The following SGSH variants were observed in gnomAD, a reference collection of about 807,000 sequenced individuals.
SGSH encodes the protein heparan sulfate sulfatase.
SGSH carries 48 observed loss-of-function variants against 51.0 expected under a neutral mutation model. That is an observed-to-expected ratio of 0.94 (90% CI 0.75 to 1.20). SGSH has a LOEUF of 1.20. Ranked by LOEUF, SGSH falls within the 50% of genes most tolerant of loss-of-function variation. The pLI, the probability that SGSH is intolerant of heterozygous loss-of-function variation, is 0.00. For synonymous variants in SGSH, 321 were observed against 313.4 expected, an observed-to-expected ratio of 1.02 and a Z score of -0.26; for missense variants, 662 against 717.8, an observed-to-expected ratio of 0.92 and a Z score of 0.89.
At chr17:80,220,201 G>C (rs2042096680) in intron 1 of SGSH, 25 bp downstream of exon 1, 1 of 1,495,690 alleles carries the variant, frequency 6.7e-7, no homozygotes, top group African/African-American at 1.4e-5. Flanking sequence ...GCAGGTGGGC[G>C]TGGGGGGGCG....
At chr17:80,211,662 C>A (rs1025164729) in intron 7 of SGSH, 1 of 335,820 alleles carries the variant, frequency 3.0e-6, no homozygotes, top group African/African-American at 2.1e-5. Flanking sequence ...GGTCCCCAGG[C>A]CCACAGTATC....
chr17:80,203,859 A>G (rs528408567), downstream of SGSH: 27 of 1,595,582 alleles, frequency 1.7e-5, no homozygotes, highest in Non-Finnish European at 2.3e-5. The surrounding 1 kb of genome is among the most constrained non-coding windows in gnomAD (Gnocchi z 4.6). Flanking sequence ...CCAGGACATG[A>G]CTCAGCAGTG....
At chr17:80,208,329 A>G, downstream of SGSH, 1 of 1,599,892 alleles carries the variant, frequency 6.3e-7, no homozygotes, top group Non-Finnish European at 8.5e-7. Flanking sequence ...GTGTGGACGG[A>G]GCAGAGCCCC....
intron 2 of SGSH, among the ~76,000 whole-genome samples, chr17:80,215,670 T>C (rs987878275): frequency 1.1e-4 from 16 of 151,784 alleles, no homozygotes; most frequent in African/African-American, 3.9e-4. Context: ...AATACAAAAA[T>C]TAGCTGGGCG....
At chr17:80,215,554 C>T in intron 2 of SGSH, among the ~76,000 whole-genome samples, 1 of 152,272 alleles carries the variant, frequency 6.6e-6, no homozygotes, top group East Asian at 1.9e-4. Context: ...GGCGTGGTGG[C>T]TCACGCCTGT....
chr17:80,219,037 G>C (rs2042010791), intron 1 of SGSH, among the ~76,000 whole-genome samples: 1 of 151,924 alleles, frequency 6.6e-6, no homozygotes. Flanking sequence ...ATGTGCACTT[G>C]AGGTCCCAGC....
In SGSH at chr17:80,212,459, G is replaced by C; in HGVS notation, c.746-185C>G. On this transcript the variant is annotated intron_variant, in intron 6 of 7. Transcript: ENST00000326317. The surrounding 1 kb of genome is among the most constrained non-coding windows in gnomAD (Gnocchi z 5.9). ...CCCAGCTCTTGCCCAGCTCCGCCCA[G>C]CTCCCATTCCCTGAGCAGGCCTCGA... is the stretch of plus-strand genomic sequence containing the variant. 1.5e-6 allele frequency: 1 copy of C among 655,970 alleles called. No homozygotes were observed. Among genetic ancestry groups the C allele is most frequent in the South Asian group, 1.7e-5 (1 of 59,036 alleles). The allele number at this position is 655,970 out of a possible 1,614,324, so 40.6% of individuals were successfully genotyped here.
chr17:80,202,269 A>T (rs2041023954), downstream of SGSH: 4 of 1,613,992 alleles, frequency 2.5e-6, no homozygotes, highest in East Asian at 8.9e-5. Flanking sequence ...CATGGAGGGC[A>T]GGGCCAAAGG....
downstream of SGSH, chr17:80,202,019 C>T: frequency 8.0e-7 from 1 of 1,247,546 alleles, no homozygotes; most frequent in Non-Finnish European, 1.1e-6. Flanking sequence ...CCCCAGGAGG[C>T]CCCCAAGCCA....
downstream of SGSH, chr17:80,203,886 G>C (rs1217927954): frequency 6.3e-7 from 1 of 1,594,528 alleles, no homozygotes; most frequent in Admixed American, 1.8e-5. The surrounding 1 kb of genome is among the most constrained non-coding windows in gnomAD (Gnocchi z 4.6). Flanking sequence ...GACCCGCAAG[G>C]TGAGGCTCCA....
Position 80,209,918 on chromosome 17 carries a change from CT to C in SGSH, c.*533del, listed in dbSNP as rs2041563048. 1 of 998,168 alleles carries C rather than the reference CT, an allele frequency of 1.0e-6. No homozygotes were observed. The highest frequency in any genetic ancestry group is 1.2e-6 in the Non-Finnish European group (1 of 836,284). 61.8% of individuals were successfully genotyped at this position (998,168 alleles called of 1,614,324 possible). A position where few individuals can be genotyped will look rare whatever the true frequency, so the allele number is the denominator to read the frequency against. ...TGCCCAAAGGTCGCTCAAAGGCTTC[CT>C]CTAGGCCAGACGCTGGTAAGAGCCA... is the stretch of plus-strand genomic sequence containing the variant. On this transcript the variant is annotated 3_prime_UTR_variant, in exon 8 of 8. Coordinates refer to ENST00000326317, the MANE Select transcript of SGSH (RefSeq NM_000199.5).
chr17:80,218,131 A>G (rs765607131), intron 1 of SGSH, among the ~76,000 whole-genome samples: 1 of 152,250 alleles, frequency 6.6e-6, no homozygotes, highest in Admixed American at 6.5e-5. Flanking sequence ...GGCTGAGCGC[A>G]TGGCCACAGA....
intron 7 of SGSH, 124 bp downstream of exon 7, chr17:80,211,947 C>G: frequency 1.2e-6 from 1 of 803,346 alleles, no homozygotes; most frequent in South Asian, 1.5e-5. Flanking sequence ...GTGACAGTCC[C>G]TTCCTCACCC....
At chr17:80,208,425 T>A, downstream of SGSH, 2 of 1,316,856 alleles carry the variant, frequency 1.5e-6, no homozygotes, top group Non-Finnish European at 1.0e-6. Context: ...CAGGCCCTCT[T>A]GGCACAGCTG....
At chr17:80,204,258 G>C, downstream of SGSH, 1 of 1,597,214 alleles carries the variant, frequency 6.3e-7, no homozygotes, top group South Asian at 1.1e-5. Context: ...AAGCTGGTCC[G>C]CATCGTCAGT....
chr17:80,210,088 T>G lies in SGSH; in HGVS notation c.*364A>C. On this transcript the variant is annotated 3_prime_UTR_variant, in exon 8 of 8. Transcript: ENST00000326317. Reference sequence around the variant, plus strand: ...GGGCCTCAGGCCTCCCATTTGCAGGTCCCCAAACCAAGCCAGAAAACAAGA... The same window carrying G: ...GGGCCTCAGGCCTCCCATTTGCAGGGCCCCAAACCAAGCCAGAAAACAAGA... The G allele has an allele frequency of 8.8e-7, 1 of 1,140,806 alleles. No individual in the cohort carries two copies. The highest frequency in any genetic ancestry group is 1.1e-6 in the Non-Finnish European group (1 of 923,586). 70.7% of individuals were successfully genotyped at this position (1,140,806 alleles called of 1,614,324 possible).
At position 80,212,284 on chromosome 17, in the gene SGSH, G is replaced by A. The variant is rs1032997502; in HGVS notation, c.746-10C>T. The A allele has an allele frequency of 6.3e-7, 1 of 1,597,528 alleles. No homozygotes were observed. Among genetic ancestry groups the A allele is most frequent in the East Asian group, 2.3e-5 (1 of 43,986 alleles). ...AGCACCAGTCCAACTCCTGTGGTGA[G>A]GGGCCGAGAAGCAGAGCTCAGCCGC... On this transcript the variant is annotated splice_polypyrimidine_tract_variant and intron_variant, in intron 6 of 7. Transcript: ENST00000326317. The surrounding 1 kb of genome is among the most constrained non-coding windows in gnomAD (Gnocchi z 5.9).
chr17:80,214,125 G>A (rs1035779152), intron 5 of SGSH, 47 bp downstream of exon 5: 12 of 1,575,696 alleles, frequency 7.6e-6, no homozygotes, highest in East Asian at 6.9e-5. Flanking sequence ...CAGGGTCCCC[G>A]ACCCAGGGCT....
chr17:80,204,296 C>A, downstream of SGSH: 1 of 1,598,110 alleles, frequency 6.3e-7, no homozygotes, highest in Non-Finnish European at 8.6e-7. Flanking sequence ...CAGCCCTCTG[C>A]GTTTGTCCTT....
Sources: gnomAD v4.1 joint callset for allele counts (sites outside exome capture counted in the v4.1 genomes callset) on GRCh38, gnomAD v4.1.1 for gene constraint, Gnocchi (gnomAD v3.1) non-coding constraint, MANE v1.5 for transcripts, NCBI Gene and HGNC (gene_info 2026-07-23, HGNC 2026-07-21) for gene names.